Variants in GPLD1 observed in about 807,000 individuals in gnomAD.
The protein encoded by GPLD1 is phosphatidylinositol-glycan-specific phospholipase D.
GPLD1 carries 84 observed loss-of-function variants against 112.6 expected under a neutral mutation model. The observed-to-expected ratio is 0.75, with a 90% confidence interval of 0.63 to 0.89. The LOEUF is 0.89. Among genes scored for constraint, GPLD1 ranks in the 40% least tolerant of loss-of-function variants. GPLD1 has a pLI of 0.00. For missense variants in GPLD1, 1,044 were observed against 1,051.5 expected, an observed-to-expected ratio of 0.99 and a Z score of 0.10; for synonymous variants, 386 against 403.8, an observed-to-expected ratio of 0.96 and a Z score of 0.53.
Position 24,454,178 on chromosome 6 carries a change from T to C in GPLD1, c.1172A>G (p.Asn391Ser), listed in dbSNP as rs1296439946. 6.2e-7 allele frequency: 1 copy of C among 1,613,108 alleles called. No homozygotes were observed. ...CACGAGGTCACCGTGCCCATCCTGG[T>C]TGAGGTCAGCTGAGGTCATTGCCCT... ...LGWAMTSADL[N>S]QDGHGDLVVG... Residue 391 changes from asparagine to serine, a missense_variant, in exon 14 of 25, where the codon AAC becomes AGC. Asn to Ser is a conservative substitution (Grantham distance 46). Coordinates refer to ENST00000230036, the MANE Select transcript of GPLD1 (RefSeq NM_001503.4).
At position 24,447,921 on chromosome 6, in the gene GPLD1, C is replaced by A; in HGVS notation, c.1634G>T (p.Gly545Val). 1 of 1,614,078 alleles carries A rather than the reference C, an allele frequency of 6.2e-7. No homozygotes were observed. Residue 545 changes from glycine to valine, a missense_variant, in exon 17 of 25, where the codon GGA becomes GTA. By Grantham distance (109) the Gly-to-Val change is moderately radical (BLOSUM62 -3). Transcript: ENST00000230036. Reference sequence around the variant, plus strand: ...GCCAGAATAAAACGCAGCCACAATTCCCTTCTGCTTCCCTCCACCTGGTGC... The same window carrying A: ...GCCAGAATAAAACGCAGCCACAATTACCTTCTGCTTCCCTCCACCTGGTGC... ...PFAPGGGKQK[G>V]IVAAFYSGPS...
chr6:24,495,037 G>T, exon 1 of GPLD1: 1 of 1,349,250 alleles, frequency 7.4e-7, no homozygotes. Context: ...GGGGCCCGGC[G>T]CCTCGGGTCG....
At chr6:24,435,302 C>T (rs965340557) in intron 22 of GPLD1, among the ~76,000 whole-genome samples, 6 of 152,052 alleles carry the variant, frequency 3.9e-5, no homozygotes, top group East Asian at 1.9e-4. Flanking sequence ...TGAGCCACTG[C>T]GCCCGGCCAA....
At chr6:24,435,817 G>C (rs1772255) in intron 22 of GPLD1, 1 of 103,640 alleles carries the variant, frequency 9.6e-6, no homozygotes, top group African/African-American at 4.1e-5. Context: ...AGAGCCAGAC[G>C]CTGTCTCAAA....
intron 12 of GPLD1, among the ~76,000 whole-genome samples, chr6:24,460,045 C>T (rs1055854724): frequency 6.6e-6 from 1 of 152,132 alleles, no homozygotes; most frequent in East Asian, 1.9e-4. Flanking sequence ...ACAACAGGCA[C>T]AGCCATCACA....
chr6:24,466,577 T>A lies in GPLD1; in HGVS notation c.821+103A>T, dbSNP rs889630119. ...AGAAAAGCACTTCATGAGATTGTTT[T>A]GTTTTGTTTTTATGTGATCAGTTGA... On this transcript the variant is annotated intron_variant, in intron 10 of 24. Transcript: ENST00000230036. 4.6e-6 allele frequency: 4 copies of A among 868,024 alleles called. No individual in the cohort carries two copies. In the African/African-American group the frequency reaches 6.8e-5, roughly 15 times the overall value. 53.8% of individuals were successfully genotyped at this position (868,024 alleles called of 1,614,324 possible). A position where few individuals can be genotyped will look rare whatever the true frequency, so the allele number is the denominator to read the frequency against.
intron 12 of GPLD1, 35 bp from the exon 13 acceptor site, chr6:24,456,672 A>T (rs1294784724): frequency 6.1e-6 from 9 of 1,468,738 alleles, no homozygotes; most frequent in Non-Finnish European, 8.5e-6. Context: ...CAGTAAAGAC[A>T]CGTAGCATAA....
intron 14 of GPLD1, among the ~76,000 whole-genome samples, chr6:24,450,329 C>G (rs1763041562): frequency 6.6e-6 from 1 of 151,920 alleles, no homozygotes; most frequent in African/African-American, 2.4e-5. Context: ...AGTGAAACCC[C>G]ATCTGTACTA....
chr6:24,450,436 G>A (rs1763044308), intron 14 of GPLD1, among the ~76,000 whole-genome samples: 1 of 152,074 alleles, frequency 6.6e-6, no homozygotes, highest in African/African-American at 2.4e-5. Flanking sequence ...GGGAGGCGGA[G>A]GTTGCAGTAA....
chr6:24,467,402 C>T lies in GPLD1; in HGVS notation c.546-128G>A, dbSNP rs565904938. ...GGCACCATGTAAAAGTCTTTACATG[C>T]ACCAGTTATTTAATCCTAGCAATGA... On this transcript the variant is annotated intron_variant, in intron 7 of 24. Transcript: ENST00000230036. 4.0e-4 allele frequency: 255 copies of T among 633,298 alleles called. 8 individuals are homozygous for T. In the South Asian group the frequency reaches 4.1e-3, roughly 10 times the overall value. The allele number at this position is 633,298 out of a possible 1,614,324, so 39.2% of individuals were successfully genotyped here. A position where few individuals can be genotyped will look rare whatever the true frequency, so the allele number is the denominator to read the frequency against.
At chr6:24,453,703 T>TGTGA (rs573344051) in intron 14 of GPLD1, among the ~76,000 whole-genome samples, 2,323 of 83,662 alleles carry the variant, frequency 0.028, 31 homozygotes, top group South Asian at 0.089. Context: ...ACATTTCGTG[T>TGTGA]GTGTGTGTGT....
At chr6:24,458,966 A>AT in intron 12 of GPLD1, among the ~76,000 whole-genome samples, 2 of 152,126 alleles carry the variant, frequency 1.3e-5, no homozygotes. Flanking sequence ...CAGAGACCCC[A>AT]TTCACAAAGT....
chr6:24,459,123 C>A (rs1476071611), intron 12 of GPLD1, among the ~76,000 whole-genome samples: 1 of 152,156 alleles, frequency 6.6e-6, no homozygotes, highest in African/African-American at 2.4e-5. Flanking sequence ...CTTTCCCAAC[C>A]CACTAACAGA....
chr6:24,489,732 G>C (rs189263035), upstream of GPLD1: 536 of 663,940 alleles, frequency 8.1e-4, 1 homozygote, highest in Non-Finnish European at 1.1e-3. Flanking sequence ...TGTGCTCCTG[G>C]GGGGTGGGGT....
intron 20 of GPLD1, 122 bp from the exon 21 acceptor site, chr6:24,437,411 G>A (rs1762614533): frequency 7.3e-6 from 6 of 817,738 alleles, no homozygotes; most frequent in Non-Finnish European, 1.1e-5. Flanking sequence ...CGGTTTCGGA[G>A]CTGGTCATCT....
chr6:24,429,061 G>A lies in GPLD1; in HGVS notation c.2494C>T (p.Leu832Phe), dbSNP rs760489427. 6.2e-7 allele frequency: 1 copy of A among 1,613,570 alleles called. No homozygotes were observed. The highest frequency in any genetic ancestry group is 8.5e-7 in the Non-Finnish European group (1 of 1,179,574). Residue 832 changes from leucine to phenylalanine, a missense_variant, in exon 25 of 25, where the codon CTT becomes TTT. Physicochemically the swap from Leu to Phe is conservative, Grantham distance 22 (BLOSUM62 0). Transcript: ENST00000230036. ...SSLGARLSGA[L>F]HVYSLGSD is the part of the protein sequence containing the mutation. ...TCTGAGCCAAGGCTATAGACGTGAA[G>A]TGCCCCGGAGAGTCGGGCTCCCAAA...
At chr6:24,459,519 A>G (rs1460192331) in intron 12 of GPLD1, among the ~76,000 whole-genome samples, 1 of 152,030 alleles carries the variant, frequency 6.6e-6, no homozygotes, top group African/African-American at 2.4e-5. Flanking sequence ...AGCCACTTAA[A>G]GTGCTGGGAT....
At chr6:24,442,755 A>T (rs1266750087) in intron 20 of GPLD1, among the ~76,000 whole-genome samples, 1 of 150,814 alleles carries the variant, frequency 6.6e-6, no homozygotes, top group East Asian at 2.0e-4. Context: ...AATTTTTAAA[A>T]TTTTTTGTAG....
At chr6:24,465,196 C>CT in intron 10 of GPLD1, among the ~76,000 whole-genome samples, 1 of 101,332 alleles carries the variant, frequency 9.9e-6, no homozygotes, top group African/African-American at 3.5e-5. Context: ...GACTCTGTCT[C>CT]AAAAAAAAAA....
Sources: gnomAD v4.1 joint callset for allele counts (sites outside exome capture counted in the v4.1 genomes callset) on GRCh38, gnomAD v4.1.1 for gene constraint, MANE v1.5 for transcripts, NCBI Gene and HGNC (gene_info 2026-07-23, HGNC 2026-07-21) for gene names.